STK33: variants seen among roughly 807,000 people sequenced by gnomAD.
STK33 encodes serine/threonine-protein kinase 33.
STK33 carries 52 observed loss-of-function variants against 58.0 expected under a neutral mutation model. The ratio of observed to expected loss-of-function variants is 0.90; its 90% CI spans 0.72 to 1.13. The LOEUF is 1.13. Ranked by LOEUF, STK33 falls within the 50% of genes most tolerant of loss-of-function variation. STK33 has a pLI of 0.00. For synonymous variants in STK33, 215 were observed against 200.1 expected, an observed-to-expected ratio of 1.07 and a Z score of -0.63; for missense variants, 630 against 604.2, an observed-to-expected ratio of 1.04 and a Z score of -0.45.
chr11:8,367,042 G>C, the STK33 span, among the ~76,000 whole-genome samples: 6 of 152,208 alleles, frequency 3.9e-5, no homozygotes, highest in Admixed American at 2.0e-4. Context: ...TGTGTACATA[G>C]GTGTGCATTC....
intron 8 of STK33, among the ~76,000 whole-genome samples, chr11:8,459,066 G>C (rs557851799): frequency 6.6e-6 from 1 of 152,264 alleles, no homozygotes; most frequent in African/African-American, 2.4e-5. Flanking sequence ...TACATAAAAT[G>C]ATAAGTGAAC....
intron 1 of STK33, among the ~76,000 whole-genome samples, chr11:8,585,669 G>A (rs1296186844): frequency 6.6e-6 from 1 of 152,020 alleles, no homozygotes; most frequent in African/African-American, 2.4e-5. Flanking sequence ...AAGCACTTTG[G>A]GAGGCTGAGG....
In STK33 at chr11:8,444,459, A is replaced by G. The variant is rs1476205100; in HGVS notation, c.872-3706T>C. Among the ~76,000 whole-genome samples, 4 of 152,044 alleles carry G rather than the reference A, an allele frequency of 2.6e-5. No individual in the cohort carries two copies. The East Asian group carries it at 5.8e-4, about 22-fold the overall frequency. On this transcript the variant is annotated intron_variant, in intron 11 of 15. Coordinates refer to ENST00000687296, the MANE Select transcript of STK33 (RefSeq NM_001352389.2). ...GGCAAAACATTTTTATGTTTTGTTCACTGTTGTATTTTTAATACCTAGAAC... is the reference window on the plus strand; with the variant it reads ...GGCAAAACATTTTTATGTTTTGTTCGCTGTTGTATTTTTAATACCTAGAAC...
chr11:8,474,650 T>C (rs1050285959), intron 5 of STK33, 31 bp downstream of exon 5: 4 of 1,526,840 alleles, frequency 2.6e-6, no homozygotes, highest in Non-Finnish European at 3.6e-6. Flanking sequence ...GATGTCAACT[T>C]GTGCTTAGAT....
intron 1 of STK33, among the ~76,000 whole-genome samples, chr11:8,484,244 G>T (rs970456672): frequency 6.6e-6 from 1 of 152,084 alleles, no homozygotes; most frequent in African/African-American, 2.4e-5. Context: ...TTTGTTTTAG[G>T]GATAAGGTAT....
intron 9 of STK33, among the ~76,000 whole-genome samples, chr11:8,455,228 T>C (rs995392832): frequency 6.6e-6 from 1 of 152,222 alleles, no homozygotes; most frequent in African/African-American, 2.4e-5. Context: ...TCTATGCATA[T>C]GTTACTGTCA....
chr11:8,426,662 A>C (rs1015586917), intron 14 of STK33, among the ~76,000 whole-genome samples: 18 of 151,716 alleles, frequency 1.2e-4, no homozygotes, highest in African/African-American at 4.4e-4. Context: ...CCAAATACTG[A>C]CCTTGTCGAT....
chr11:8,401,973 C>G (rs1938089231), intron 15 of STK33, among the ~76,000 whole-genome samples: 1 of 152,126 alleles, frequency 6.6e-6, no homozygotes, highest in South Asian at 2.1e-4. Context: ...ACAACAGGTG[C>G]TGGAGAAGAT....
chr11:8,464,718 G>A lies in STK33; in HGVS notation c.444C>T (p.Asn148=), dbSNP rs1396399088. 6.2e-7 allele frequency: 1 copy of A among 1,610,050 alleles called. No individual in the cohort carries two copies. ...TETKWAIKKV[N]KEKAGSSAVK... ...TGCTAATGAGCCTTACCTTTTCTTT[G>A]TTCACTTTTTTAATTGCCCACTTCG... The change falls in exon 7 of 16, where the codon AAC becomes AAT. Residue 148 remains asparagine (N), a synonymous_variant. Transcript: ENST00000687296.
At chr11:8,501,508 C>G (rs1951512075) in intron 1 of STK33, among the ~76,000 whole-genome samples, 1 of 152,014 alleles carries the variant, frequency 6.6e-6, no homozygotes, top group South Asian at 2.1e-4. Context: ...ACTAGGACAG[C>G]TATAGTAAAA....
At chr11:8,494,109 A>C (rs1324710935) in intron 1 of STK33, among the ~76,000 whole-genome samples, 1 of 152,232 alleles carries the variant, frequency 6.6e-6, no homozygotes, top group African/African-American at 2.4e-5. Context: ...GCAAGCAGGC[A>C]ATAGAAAGAA....
the STK33 span, among the ~76,000 whole-genome samples, chr11:8,347,602 G>A: frequency 1.1e-4 from 16 of 150,028 alleles, no homozygotes; most frequent in African/African-American, 3.2e-4. Context: ...TCACATCAGC[G>A]GTTCAATGTT....
rs780113922 is a variant in STK33, at chr11:8,464,860, A to G, written c.340-38T>C. On this transcript the variant is annotated intron_variant, in intron 6 of 15. Transcript: ENST00000687296. ...AAAAAAAGAGTTGTCTCTCTATGCC[A>G]TTCATCAGCTATTAAAAATGAACAT... is the stretch of plus-strand genomic sequence containing the variant. 15 of 1,315,472 alleles carry G rather than the reference A, an allele frequency of 1.1e-5. No individual in the cohort carries two copies. The South Asian group carries it at 1.5e-4, about 13-fold the overall frequency. The allele number at this position is 1,315,472 out of a possible 1,614,324, so 81.5% of individuals were successfully genotyped here.
chr11:8,423,028 G>A (rs1942170466), intron 14 of STK33, among the ~76,000 whole-genome samples: 2 of 149,452 alleles, frequency 1.3e-5, no homozygotes, highest in African/African-American at 4.9e-5. Flanking sequence ...TTTTTGTAGG[G>A]ACAGGGTCTC....
At chr11:8,474,216 T>C (rs751977499) in intron 5 of STK33, among the ~76,000 whole-genome samples, 4 of 152,008 alleles carry the variant, frequency 2.6e-5, no homozygotes, top group Non-Finnish European at 5.9e-5. Context: ...TCAGTACAAT[T>C]GGGTAGCCAT....
intron 15 of STK33, among the ~76,000 whole-genome samples, chr11:8,406,699 G>T (rs1356879320): frequency 6.6e-6 from 1 of 151,986 alleles, no homozygotes; most frequent in African/African-American, 2.4e-5. Context: ...TTTATATATA[G>T]ATCTTGCATC....
chr11:8,442,749 A>G (rs890600644), intron 11 of STK33, among the ~76,000 whole-genome samples: 2 of 152,238 alleles, frequency 1.3e-5, no homozygotes, highest in Non-Finnish European at 2.9e-5. Context: ...CATCTAGCAG[A>G]CAAAAAAAGC....
intron 1 of STK33, among the ~76,000 whole-genome samples, chr11:8,589,542 T>C (rs2032263811): frequency 6.6e-6 from 1 of 152,200 alleles, no homozygotes. Context: ...GTGAGGATTC[T>C]TCCTGAGGGT....
intron 1 of STK33, among the ~76,000 whole-genome samples, chr11:8,579,396 A>T (rs1017345628): frequency 6.6e-6 from 1 of 152,106 alleles, no homozygotes; most frequent in Admixed American, 6.6e-5. Context: ...CAAATACTTT[A>T]GTTCAATTCC....
Sources: gnomAD v4.1 joint callset for allele counts (sites outside exome capture counted in the v4.1 genomes callset) on GRCh38, gnomAD v4.1.1 for gene constraint, MANE v1.5 for transcripts, NCBI Gene and HGNC (gene_info 2026-07-23, HGNC 2026-07-21) for gene names.